Variants in DAPK2 observed in about 807,000 individuals in gnomAD.
The protein encoded by DAPK2 is death-associated protein kinase 2.
DAPK2 carries 35 observed loss-of-function variants against 44.1 expected under a neutral mutation model. The observed-to-expected ratio is 0.79, with a 90% confidence interval of 0.61 to 1.05. The LOEUF (loss-of-function observed/expected upper bound fraction) is 1.05. DAPK2 is among the 50% of genes least tolerant of loss of function. The pLI, the probability that DAPK2 is intolerant of heterozygous loss-of-function variation, is 0.00. For missense variants in DAPK2, 453 were observed against 483.2 expected (o/e 0.94, Z 0.59); for synonymous variants, 174 against 182.6 (o/e 0.95, Z 0.38).
intron 3 of DAPK2, among the ~76,000 whole-genome samples, chr15:63,955,070 TC>T (rs1227077858): frequency 2.0e-5 from 3 of 152,242 alleles, no homozygotes; most frequent in African/African-American, 7.2e-5. Context: ...TTCAGGTTTT[TC>T]CAAATATGAG....
chr15:64,045,818 G>T (rs377332698), intron 1 of DAPK2, among the ~76,000 whole-genome samples: 1 of 152,210 alleles, frequency 6.6e-6, no homozygotes, highest in African/African-American at 2.4e-5. Context: ...CCAGGCCGGG[G>T]CGCCTGACGG....
At chr15:63,954,033 C>A (rs1290614106) in intron 3 of DAPK2, among the ~76,000 whole-genome samples, 1 of 152,060 alleles carries the variant, frequency 6.6e-6, no homozygotes, top group Admixed American at 6.6e-5. Context: ...CTTGTTTGAG[C>A]TCCTTATATA....
At chr15:63,987,890 T>C (rs1238251094) in intron 1 of DAPK2, among the ~76,000 whole-genome samples, 1 of 152,126 alleles carries the variant, frequency 6.6e-6, no homozygotes, top group African/African-American at 2.4e-5. Context: ...ATGGGGATGA[T>C]AATACCTGCC....
intron 3 of DAPK2, among the ~76,000 whole-genome samples, chr15:63,969,787 G>C (rs2078160443): frequency 6.6e-6 from 1 of 151,708 alleles, no homozygotes. Flanking sequence ...GGAGGACCAT[G>C]CTAAGGGGAC....
intron 10 of DAPK2, chr15:63,911,630 G>A (rs1459869284): frequency 4.1e-6 from 2 of 483,410 alleles, no homozygotes; most frequent in Non-Finnish European, 3.7e-6. Flanking sequence ...GCCGGCAGCA[G>A]CGGCCCCTCT....
intron 1 of DAPK2, among the ~76,000 whole-genome samples, chr15:63,998,948 C>T (rs2079017458): frequency 6.6e-6 from 1 of 152,196 alleles, no homozygotes; most frequent in Non-Finnish European, 1.5e-5. Context: ...AGCTTCCTCG[C>T]AAATCTTCTC....
At chr15:63,938,462 G>T (rs189543985) in intron 4 of DAPK2, among the ~76,000 whole-genome samples, 47 of 152,308 alleles carry the variant, frequency 3.1e-4, no homozygotes, top group Non-Finnish European at 6.5e-4. Flanking sequence ...TCCACCAGGT[G>T]GTTGGTCTGA....
intron 2 of DAPK2, among the ~76,000 whole-genome samples, chr15:63,976,638 G>A (rs1047722721): frequency 1.3e-5 from 2 of 152,194 alleles, no homozygotes; most frequent in Non-Finnish European, 2.9e-5. Flanking sequence ...ACCTGAGGTC[G>A]AGGCTGTAGT....
chr15:64,017,569 G>A (rs1365542570), intron 1 of DAPK2, among the ~76,000 whole-genome samples: 8 of 152,218 alleles, frequency 5.3e-5, no homozygotes, highest in Non-Finnish European at 8.8e-5. Context: ...CCCTGCTTTC[G>A]CTGGTCTGGA....
chr15:63,938,294 A>G (rs2077217015), intron 4 of DAPK2, among the ~76,000 whole-genome samples: 1 of 152,214 alleles, frequency 6.6e-6, no homozygotes, highest in Non-Finnish European at 1.5e-5. Flanking sequence ...CACCTGTTGG[A>G]GAAAATAATT....
chr15:63,971,471 A>C lies in DAPK2; in HGVS notation c.405T>G (p.Asp135Glu), dbSNP rs147197384. 40 of 1,614,078 alleles carry C rather than the reference A, an allele frequency of 2.5e-5. No individual in the cohort carries two copies. The highest frequency in any genetic ancestry group is 5.0e-5 in the Admixed American group (3 of 60,006). ...TCTTTGTGTGAAGGTAGTTCACCCC[A>C]TCCAGGATCTGCTTAATGAAGCTGG... The change falls in exon 3 of 11, where the codon GAT (aspartate) becomes GAG (glutamate). Residue 135 changes from aspartate to glutamate, a missense_variant. Physicochemically the swap from Asp to Glu is conservative, Grantham distance 45. Coordinates refer to ENST00000261891, the Ensembl canonical transcript of DAPK2.
At position 64,038,492 on chromosome 15, in the gene DAPK2, C is replaced by T. The variant is rs143319648; in HGVS notation, c.92+1678G>A. On this transcript the variant is annotated intron_variant, in intron 1 of 10. Transcript: ENST00000261891. The stretch of plus-strand genomic sequence containing the variant: ...CCAACCCCAGCCTCTGGTCCTATGT[C>T]CTCTTCCTACCCCTTCACCAGGCCC... Among the ~76,000 whole-genome samples the T allele has an allele frequency of 3.1e-3, 468 of 152,292 alleles. 4 individuals are homozygous for T. The highest frequency in any genetic ancestry group is 5.9e-3 in the Admixed American group (90 of 15,300).
chr15:64,000,885 C>CT (rs970959678), intron 1 of DAPK2, among the ~76,000 whole-genome samples: 35 of 147,240 alleles, frequency 2.4e-4, no homozygotes, highest in East Asian at 7.9e-4. Context: ...TGAGTCAACA[C>CT]TTTTTTTTTT....
intron 6 of DAPK2, among the ~76,000 whole-genome samples, chr15:63,927,792 G>A (rs2079348153): frequency 6.6e-6 from 1 of 151,230 alleles, no homozygotes; most frequent in Non-Finnish European, 1.5e-5. Flanking sequence ...CCAGGACGGA[G>A]TGCAGTGGTG....
chr15:63,962,046 T>C (rs989397313), intron 3 of DAPK2, among the ~76,000 whole-genome samples: 1 of 152,198 alleles, frequency 6.6e-6, no homozygotes, highest in African/African-American at 2.4e-5. Flanking sequence ...TGTTTCTTTT[T>C]ACTCTTTTTC....
chr15:63,945,494 G>A lies in DAPK2; in HGVS notation c.454-6133C>T, dbSNP rs1040475801. Among the ~76,000 whole-genome samples the A allele has an allele frequency of 6.6e-5, 10 of 152,154 alleles. No individual in the cohort carries two copies. The East Asian group carries it at 1.5e-3, about 23-fold the overall frequency. ...CATTCCTCCTATAGGGCTGTGATGC[G>A]GATGGAGCAGGAAGGAACGGCACTA... is the stretch of plus-strand genomic sequence containing the variant. On this transcript the variant is annotated intron_variant, in intron 3 of 10. Coordinates refer to ENST00000261891, the Ensembl canonical transcript of DAPK2.
chr15:63,924,815 C>T lies in DAPK2; in HGVS notation c.858+1G>A. ...ATTGGAACTCATGGCTGTGCCCTTA[C>T]CGTGATCCAGGGGTGTCTGAGAGCC... On this transcript the variant is annotated splice_donor_variant, in intron 8 of 10. Transcript: ENST00000261891. LOFTEE classifies it high-confidence loss of function. 1.9e-6 allele frequency: 3 copies of T among 1,614,166 alleles called. No individual in the cohort carries two copies. The highest frequency in any genetic ancestry group is 2.5e-6 in the Non-Finnish European group (3 of 1,179,998).
At chr15:63,969,027 C>T (rs988391690) in intron 3 of DAPK2, among the ~76,000 whole-genome samples, 11 of 152,194 alleles carry the variant, frequency 7.2e-5, no homozygotes, top group African/African-American at 2.7e-4. Context: ...ACCCTGAGGT[C>T]CAAAGGCCTG....
chr15:63,946,756 C>T (rs1479929047), intron 3 of DAPK2, among the ~76,000 whole-genome samples: 2 of 152,190 alleles, frequency 1.3e-5, no homozygotes, highest in African/African-American at 2.4e-5. Context: ...GGCCTGCCTG[C>T]TGCTGAGTGA....
Sources: gnomAD v4.1 joint callset for allele counts (sites outside exome capture counted in the v4.1 genomes callset) on GRCh38, gnomAD v4.1.1 for gene constraint, MANE v1.5 for transcripts, NCBI Gene and HGNC (gene_info 2026-07-23, HGNC 2026-07-21) for gene names.